PEAK1: variants seen among roughly 807,000 people sequenced by gnomAD.
The protein encoded by PEAK1 is inactive tyrosine-protein kinase PEAK1.
A neutral mutation model predicts 124.7 loss-of-function variants in PEAK1; 54 were observed. The ratio of observed to expected loss-of-function variants is 0.43; its 90% confidence interval spans 0.35 to 0.54. The LOEUF is 0.54. Ranked by LOEUF, PEAK1 falls within the 20% of genes least tolerant of loss-of-function variation. The probability of loss-of-function intolerance (pLI) is 0.01; values close to 1 mark genes in which losing one functional copy is unlikely to be tolerated. For missense variants in PEAK1, 2,046 were observed against 2,134.5 expected, an observed-to-expected ratio of 0.96 and a Z score of 0.82; for synonymous variants, 719 against 760.0, an observed-to-expected ratio of 0.95 and a Z score of 0.89.
intron 2 of PEAK1, among the ~76,000 whole-genome samples, chr15:77,287,473 A>C (rs1022073253): frequency 6.6e-6 from 1 of 152,250 alleles, no homozygotes; most frequent in African/African-American, 2.4e-5. Flanking sequence ...AAGAATGCTT[A>C]AATTGTGATT....
At chr15:77,311,685 C>CAAAAAAAAAAAAAA (rs11296386) in intron 2 of PEAK1, among the ~76,000 whole-genome samples, 9 of 85,838 alleles carry the variant, frequency 1.0e-4, no homozygotes, top group Admixed American at 3.1e-4. Flanking sequence ...CCAACCCCCA[C>CAAAAAAAAAAAAAA]AAAAAAAAAA....
intron 5 of PEAK1, among the ~76,000 whole-genome samples, chr15:77,269,102 C>T (rs1052259334): frequency 3.5e-5 from 5 of 143,566 alleles, no homozygotes; most frequent in African/African-American, 1.3e-4. Context: ...AACAACAACA[C>T]AATGAAAAAA....
intron 2 of PEAK1, among the ~76,000 whole-genome samples, chr15:77,304,480 G>A (rs935051568): frequency 1.7e-5 from 2 of 119,930 alleles, no homozygotes; most frequent in African/African-American, 3.2e-5. Context: ...ACGGAGTCTC[G>A]CTCTGTCTCC....
chr15:77,211,804 C>T (rs1178876480), intron 6 of PEAK1, among the ~76,000 whole-genome samples: 2 of 145,114 alleles, frequency 1.4e-5, no homozygotes, highest in Admixed American at 7.0e-5. Flanking sequence ...GCCGAGATCA[C>T]GCCACTGCAC....
At chr15:77,142,120 A>C (rs1434789504) in intron 8 of PEAK1, among the ~76,000 whole-genome samples, 1 of 152,240 alleles carries the variant, frequency 6.6e-6, no homozygotes, top group Admixed American at 6.5e-5. Context: ...AGAATATATA[A>C]GGAACTCTTT....
chr15:77,297,433 T>G (rs1292022316), intron 2 of PEAK1, among the ~76,000 whole-genome samples: 1 of 151,842 alleles, frequency 6.6e-6, no homozygotes, highest in African/African-American at 2.4e-5. Context: ...TCAGCTGACA[T>G]AACAGCTTGT....
chr15:77,399,987 A>G (rs1230270795), intron 1 of PEAK1, among the ~76,000 whole-genome samples: 1 of 152,202 alleles, frequency 6.6e-6, no homozygotes, highest in Non-Finnish European at 1.5e-5. Context: ...TAATAATCTG[A>G]TTTTAAAATG....
intron 1 of PEAK1, among the ~76,000 whole-genome samples, chr15:77,409,921 T>C (rs1200467753): frequency 2.0e-5 from 3 of 152,318 alleles, no homozygotes; most frequent in African/African-American, 7.2e-5. Context: ...TAAAGTCACA[T>C]GGCCAGGAAG....
intron 2 of PEAK1, among the ~76,000 whole-genome samples, chr15:77,318,337 C>T (rs1181074294): frequency 6.6e-6 from 1 of 152,136 alleles, no homozygotes; most frequent in Non-Finnish European, 1.5e-5. Context: ...ATTATATTGG[C>T]AACTTCCTGT....
At chr15:77,262,809 A>G (rs983438445) in intron 5 of PEAK1, among the ~76,000 whole-genome samples, 1 of 152,092 alleles carries the variant, frequency 6.6e-6, no homozygotes, top group African/African-American at 2.4e-5. Context: ...CATTTTTTTC[A>G]GCACCACACC....
chr15:77,114,824 C>G lies in PEAK1; in HGVS notation c.4573G>C (p.Val1525Leu). 1 of 1,613,450 alleles carries G rather than the reference C, an allele frequency of 6.2e-7. No individual in the cohort carries two copies. Among genetic ancestry groups the G allele is most frequent in the Non-Finnish European group, 8.5e-7 (1 of 1,179,952 alleles). ...GCAGTCCCCCCAGGCTGGTAGTGGA[C>G]AAGTAGCAGGTTCTCTAGGCGTAGA... is the stretch of plus-strand genomic sequence containing the variant. ...CDLRLENLLL[V>L]HYQPGGTAQG... The change falls in exon 10 of 10, where the codon GTC (valine) becomes CTC (leucine). Residue 1525 changes from valine (V) to leucine (L), a missense_variant. Transcript: ENST00000682557.
intron 7 of PEAK1, among the ~76,000 whole-genome samples, chr15:77,176,837 A>C (rs1482150070): frequency 6.6e-6 from 1 of 152,204 alleles, no homozygotes; most frequent in Non-Finnish European, 1.5e-5. Flanking sequence ...GTGGATAGAT[A>C]CACTACAGTG....
intron 6 of PEAK1, chr15:77,239,755 A>G: frequency 1.2e-5 from 9 of 733,994 alleles, no homozygotes; most frequent in Non-Finnish European, 1.5e-5. Flanking sequence ...TGGGATTTAC[A>G]GAGTATTCCT....
chr15:77,205,942 C>T (rs12916257), intron 6 of PEAK1, among the ~76,000 whole-genome samples: 9,982 of 142,102 alleles, frequency 0.07, 374 homozygotes, highest in Non-Finnish European at 0.096. Context: ...CGTCATCTAG[C>T]ATTAGGTATA....
At chr15:77,252,295 T>C in intron 6 of PEAK1, 72 bp downstream of exon 6, 1 of 868,946 alleles carries the variant, frequency 1.2e-6, no homozygotes, top group South Asian at 5.3e-5. Context: ...ACATTTAAAC[T>C]TAAAAAGAAA....
intron 2 of PEAK1, chr15:77,349,677 AC>A: frequency 1.0e-6 from 1 of 984,732 alleles, no homozygotes; most frequent in Non-Finnish European, 1.2e-6. Context: ...TCAATCCTTT[AC>A]ATTGTCCTTT....
intron 2 of PEAK1, among the ~76,000 whole-genome samples, chr15:77,327,343 TA>T (rs151086344): frequency 0.023 from 3,433 of 152,196 alleles, 108 homozygotes; most frequent in African/African-American, 0.072. Flanking sequence ...AGGGTATGTT[TA>T]AACTGGAATC....
intron 6 of PEAK1, among the ~76,000 whole-genome samples, chr15:77,196,178 T>C (rs562936736): frequency 6.6e-6 from 1 of 152,318 alleles, no homozygotes; most frequent in Admixed American, 6.5e-5. Context: ...CCCTTCCTCC[T>C]CAATTTGTCT....
intron 1 of PEAK1, chr15:77,401,676 C>T: frequency 1.0e-6 from 1 of 985,064 alleles, no homozygotes; most frequent in Non-Finnish European, 1.2e-6. Context: ...CACGAAAGAA[C>T]TCAAAATTAA....
Sources: gnomAD v4.1 joint callset for allele counts (sites outside exome capture counted in the v4.1 genomes callset) on GRCh38, gnomAD v4.1.1 for gene constraint, MANE v1.5 for transcripts, NCBI Gene and HGNC (gene_info 2026-07-23, HGNC 2026-07-21) for gene names.